MGAT4C: variants seen among roughly 807,000 people sequenced by gnomAD.
The protein encoded by MGAT4C is MGAT4 family member C, also known as alpha-1,3-mannosyl-glycoprotein 4-beta-N-acetylglucosaminyltransferase C.
MGAT4C carries 19 observed loss-of-function variants against 40.1 expected under a neutral mutation model. The ratio of observed to expected loss-of-function variants is 0.47; its 90% confidence interval spans 0.33 to 0.70. The LOEUF is 0.70. MGAT4C is among the 30% of genes least tolerant of loss of function. MGAT4C has a pLI of 0.02. For missense variants in MGAT4C, 491 were observed against 563.2 expected (o/e 0.87, Z 1.30); for synonymous variants, 181 against 187.1 (o/e 0.97, Z 0.27).
At chr12:86,151,620 T>C (rs552502304) in intron 1 of MGAT4C, among the ~76,000 whole-genome samples, 1 of 152,066 alleles carries the variant, frequency 6.6e-6, no homozygotes, top group African/African-American at 2.4e-5. Context: ...AAATGGACAC[T>C]ATGTGTAAAG....
intron 2 of MGAT4C, among the ~76,000 whole-genome samples, chr12:86,464,603 TAAAC>T (rs1957652951): frequency 6.6e-6 from 1 of 152,160 alleles, no homozygotes; most frequent in Non-Finnish European, 1.5e-5. Flanking sequence ...AATAACATCC[TAAAC>T]AATCATTTAA....
At chr12:86,282,248 G>A (rs1250696923) in intron 4 of MGAT4C, among the ~76,000 whole-genome samples, 4 of 152,070 alleles carry the variant, frequency 2.6e-5, no homozygotes, top group Admixed American at 6.6e-5. Flanking sequence ...CCTGTGGCAC[G>A]CTTATTTTAT....
intron 2 of MGAT4C, among the ~76,000 whole-genome samples, chr12:86,605,600 A>G (rs1962015429): frequency 6.6e-6 from 1 of 152,148 alleles, no homozygotes; most frequent in African/African-American, 2.4e-5. Flanking sequence ...ATTTTAAACA[A>G]TCATTACTTT....
intron 1 of MGAT4C, among the ~76,000 whole-genome samples, chr12:86,051,741 G>A (rs1892913171): frequency 6.6e-6 from 1 of 150,930 alleles, no homozygotes. Flanking sequence ...AATTGTACTA[G>A]ATATATAGTA....
At chr12:86,724,538 T>A (rs1950790406) in intron 2 of MGAT4C, among the ~76,000 whole-genome samples, 1 of 152,204 alleles carries the variant, frequency 6.6e-6, no homozygotes, top group Admixed American at 6.5e-5. Flanking sequence ...TTGATTATGA[T>A]ATTTTTTCAC....
intron 1 of MGAT4C, among the ~76,000 whole-genome samples, chr12:86,158,218 C>T (rs1885190351): frequency 6.6e-6 from 1 of 152,032 alleles, no homozygotes; most frequent in Non-Finnish European, 1.5e-5. Context: ...GACTCTCATA[C>T]AAATACATTA....
At chr12:85,988,436 C>T (rs986946565) in intron 3 of MGAT4C, among the ~76,000 whole-genome samples, 1 of 151,978 alleles carries the variant, frequency 6.6e-6, no homozygotes, top group Non-Finnish European at 1.5e-5. Flanking sequence ...TACTCTCTCT[C>T]TTGTTAAGAC....
chr12:86,399,514 C>T (rs942085737), intron 3 of MGAT4C, among the ~76,000 whole-genome samples: 6 of 152,144 alleles, frequency 3.9e-5, no homozygotes, highest in African/African-American at 1.4e-4. Context: ...ATCTCCTGAC[C>T]TCGTGATCTG....
At chr12:86,447,547 T>G (rs1957360730) in intron 2 of MGAT4C, among the ~76,000 whole-genome samples, 1 of 150,736 alleles carries the variant, frequency 6.6e-6, no homozygotes, top group African/African-American at 2.5e-5. Context: ...TGAGTACCAG[T>G]TTTTTTTTAA....
intron 3 of MGAT4C, among the ~76,000 whole-genome samples, chr12:86,338,958 C>CA (rs67462771): frequency 0.55 from 36,146 of 66,282 alleles, 12,112 homozygotes; most frequent in South Asian, 0.67. Flanking sequence ...GACTCCATCT[C>CA]AAAAAAAAAA....
intron 1 of MGAT4C, among the ~76,000 whole-genome samples, chr12:86,752,290 C>T (rs1213631154): frequency 6.6e-6 from 1 of 151,998 alleles, no homozygotes; most frequent in Non-Finnish European, 1.5e-5. Flanking sequence ...GAATGTTCCA[C>T]AGTTTATTAG....
rs978825763 is a variant in MGAT4C at position 86,354,948 on chromosome 12, AG to A, written c.-119-20822del. 8.5e-5 allele frequency among the ~76,000 whole-genome samples: 13 copies of A among 152,182 alleles called. 1 individual carries two copies. Among genetic ancestry groups the A allele is most frequent in the Admixed American group, 6.5e-4 (10 of 15,274 alleles). ...TTTCCACAGCATGGACGAGAACCCAAGGGGGGTGCCACTGCTGGCTGGGGGC... is the reference window on the plus strand; with the variant it reads ...TTTCCACAGCATGGACGAGAACCCAAGGGGGTGCCACTGCTGGCTGGGGGC... On this transcript the variant is annotated intron_variant, in intron 3 of 7. Transcript: ENST00000548651.
chr12:86,688,887 G>A (rs1364039924), intron 2 of MGAT4C, among the ~76,000 whole-genome samples: 5 of 152,064 alleles, frequency 3.3e-5, no homozygotes, highest in African/African-American at 1.2e-4. Flanking sequence ...TTTGAATGTT[G>A]GCCTGCCTTG....
At chr12:86,338,958 CAAA>C (rs67462771) in intron 3 of MGAT4C, among the ~76,000 whole-genome samples, 3 of 66,130 alleles carry the variant, frequency 4.5e-5, no homozygotes, top group African/African-American at 1.2e-4. Flanking sequence ...GACTCCATCT[CAAA>C]AAAAAAAAAA....
At chr12:86,608,132 G>T (rs1184861002) in intron 2 of MGAT4C, among the ~76,000 whole-genome samples, 1 of 152,044 alleles carries the variant, frequency 6.6e-6, no homozygotes, top group African/African-American at 2.4e-5. Flanking sequence ...CATAGTTCCT[G>T]CCTTCAAGAA....
intron 2 of MGAT4C, among the ~76,000 whole-genome samples, chr12:86,474,927 A>G (rs1957810681): frequency 6.6e-6 from 1 of 152,196 alleles, no homozygotes; most frequent in African/African-American, 2.4e-5. Flanking sequence ...CACAAAAAGT[A>G]TATGTATAAA....
chr12:86,624,801 T>A (rs1303955345), intron 2 of MGAT4C, among the ~76,000 whole-genome samples: 1 of 152,096 alleles, frequency 6.6e-6, no homozygotes, highest in African/African-American at 2.4e-5. Flanking sequence ...AAAAAAGCAC[T>A]CAATAAAAGT....
At chr12:86,655,567 A>C (rs1368491320) in intron 2 of MGAT4C, among the ~76,000 whole-genome samples, 1 of 152,140 alleles carries the variant, frequency 6.6e-6, no homozygotes, top group Non-Finnish European at 1.5e-5. Context: ...TCAATGAAAA[A>C]AAATTTTATT....
At chr12:86,426,169 C>T (rs1173379636) in intron 3 of MGAT4C, among the ~76,000 whole-genome samples, 1 of 152,154 alleles carries the variant, frequency 6.6e-6, no homozygotes, top group Non-Finnish European at 1.5e-5. Context: ...AACAAGTCTC[C>T]TCTGAATGTG....
Sources: gnomAD v4.1 joint callset for allele counts (sites outside exome capture counted in the v4.1 genomes callset) on GRCh38, gnomAD v4.1.1 for gene constraint, MANE v1.5 for transcripts, NCBI Gene and HGNC (gene_info 2026-07-23, HGNC 2026-07-21) for gene names.